PITPNM2: variants seen among roughly 807,000 people sequenced by gnomAD.
PITPNM2 encodes membrane-associated phosphatidylinositol transfer protein 2.
A neutral mutation model predicts 132.2 loss-of-function variants in PITPNM2; 35 were observed. That is an observed-to-expected ratio of 0.26 (90% confidence interval 0.20 to 0.35). The LOEUF (loss-of-function observed/expected upper bound fraction) is 0.35. Ranked by LOEUF, PITPNM2 falls within the 10% of genes least tolerant of loss-of-function variation. The pLI is 1.00. For synonymous variants in PITPNM2, 738 were observed against 799.2 expected (o/e 0.92, Z 1.29); for missense variants, 1,332 against 1,912.0 (o/e 0.70, Z 5.66).
At position 123,001,041 on chromosome 12, in the gene PITPNM2, C is replaced by G. The variant is rs111284865; in HGVS notation, c.1153+13G>C. On this transcript the variant is annotated intron_variant, in intron 9 of 25. Transcript: ENST00000320201. ...CCCTCCCCAGGCTCTGCAGCACCCC[C>G]AGACCTGCTGACCTTGTGTGTCTTC... is the stretch of plus-strand genomic sequence containing the variant. 1,441 of 1,611,864 alleles carry G rather than the reference C, an allele frequency of 8.9e-4. 13 individuals are homozygous for G. In the African/African-American group the frequency reaches 0.016, roughly 18 times the overall value.
chr12:123,026,171 T>C (rs186867152), intron 3 of PITPNM2, among the ~76,000 whole-genome samples: 2 of 152,362 alleles, frequency 1.3e-5, no homozygotes, highest in East Asian at 3.9e-4. Context: ...GGTGTCAATT[T>C]CCAAACTCTA....
At chr12:123,069,087 T>C in intron 2 of PITPNM2, among the ~76,000 whole-genome samples, 1 of 151,864 alleles carries the variant, frequency 6.6e-6, no homozygotes, top group East Asian at 1.9e-4. Context: ...ACCCCATCTA[T>C]ACAAAAAAAT....
Position 122,993,678 on chromosome 12 carries a change from T to C in PITPNM2, c.2234-1009A>G, listed in dbSNP as rs1163713601. Among the ~76,000 whole-genome samples the C allele has an allele frequency of 6.6e-6, 1 of 152,180 alleles. No homozygotes were observed. The highest frequency in any genetic ancestry group is 6.5e-5 in the Admixed American group (1 of 15,284). ...GGACCACAACGGTACTGTCCCTAAG[T>C]CTCCATGCACCTGTGTGGGACTCTG... On this transcript the variant is annotated intron_variant, in intron 15 of 25. Coordinates refer to ENST00000320201, the MANE Select transcript of PITPNM2 (RefSeq NM_020845.3). The surrounding 1 kb of genome is among the most constrained non-coding windows in gnomAD (Gnocchi z 5.2).
chr12:123,033,970 A>T (rs2040183673), intron 3 of PITPNM2, among the ~76,000 whole-genome samples: 1 of 152,198 alleles, frequency 6.6e-6, no homozygotes, highest in African/African-American at 2.4e-5. Flanking sequence ...CATTTACACA[A>T]ATAAAAAACA....
In PITPNM2 at chr12:123,111,482, T is replaced by C. The variant is rs2042832256; in HGVS notation, c.-199-994A>G. 6.6e-6 allele frequency among the ~76,000 whole-genome samples: 1 copy of C among 152,180 alleles called. No homozygotes were observed. Among genetic ancestry groups the C allele is most frequent in the Admixed American group, 6.5e-5 (1 of 15,286 alleles). On this transcript the variant is annotated intron_variant, in intron 1 of 25. Transcript: ENST00000320201. The surrounding 1 kb of genome is among the most constrained non-coding windows in gnomAD (Gnocchi z 4.1). Reference sequence around the variant, plus strand: ...ACAGCCCTAACAAAGGGAAATGGAATGGTGGCTGGGGATGGCAAAGTTATC... The same window carrying C: ...ACAGCCCTAACAAAGGGAAATGGAACGGTGGCTGGGGATGGCAAAGTTATC...
At chr12:123,123,686 A>G (rs1447350107) in intron 1 of PITPNM2, among the ~76,000 whole-genome samples, 1 of 152,140 alleles carries the variant, frequency 6.6e-6, no homozygotes, top group Non-Finnish European at 1.5e-5. Context: ...TATAATCCCC[A>G]CACTTTGGGA....
rs2043730895 is a variant in PITPNM2 at position 123,150,971 on chromosome 12, G to T, written c.-418C>A. Reference sequence around the variant, plus strand: ...GGCGGCGGCGGCGCACGTGCTGGCGGGCGGCTCTCGCTGAGGCGGCCGCGA... The same window carrying T: ...GGCGGCGGCGGCGCACGTGCTGGCGTGCGGCTCTCGCTGAGGCGGCCGCGA... On this transcript the variant is annotated 5_prime_UTR_variant, in exon 1 of 26. Transcript: ENST00000320201. This position sits in a 1 kb window ranked among gnomAD's most constrained non-coding sequence, Gnocchi z 6.0. Among the ~76,000 whole-genome samples, 1 of 144,794 alleles carries T rather than the reference G, an allele frequency of 6.9e-6. No individual in the cohort carries two copies. Among genetic ancestry groups the T allele is most frequent in the South Asian group, 2.1e-4 (1 of 4,756 alleles). The allele number at this position is 144,794 out of a possible 152,430, so 95.0% of individuals were successfully genotyped here.
chr12:123,032,815 T>A (rs2040139680), intron 3 of PITPNM2, among the ~76,000 whole-genome samples: 2 of 152,192 alleles, frequency 1.3e-5, no homozygotes, highest in East Asian at 3.9e-4. Flanking sequence ...GAAATAATTA[T>A]CGGGTAAGTG....
At chr12:123,140,609 A>T (rs2043485295) in intron 1 of PITPNM2, among the ~76,000 whole-genome samples, 1 of 152,058 alleles carries the variant, frequency 6.6e-6, no homozygotes, top group Non-Finnish European at 1.5e-5. Flanking sequence ...ATAAACAGGG[A>T]TCTGCTTGAC....
rs1422006538 is a variant in PITPNM2, at chr12:122,985,958, C to G, written c.*69G>C. The G allele has an allele frequency of 7.6e-6, 10 of 1,320,586 alleles. No homozygotes were observed. The highest frequency in any genetic ancestry group is 9.7e-6 in the Non-Finnish European group (10 of 1,030,402). 81.8% of individuals were successfully genotyped at this position (1,320,586 alleles called of 1,614,324 possible). A position where few individuals can be genotyped will look rare whatever the true frequency, so the allele number is the denominator to read the frequency against. On this transcript the variant is annotated 3_prime_UTR_variant, in exon 26 of 26. Coordinates refer to ENST00000320201, the MANE Select transcript of PITPNM2 (RefSeq NM_020845.3). ...CCCACGTCAGTGCGTGTGCCCAGGCCAGGCCTCCTGGCGGGGCTGGCCACC... is the reference window on the plus strand; with the variant it reads ...CCCACGTCAGTGCGTGTGCCCAGGCGAGGCCTCCTGGCGGGGCTGGCCACC...
intron 8 of PITPNM2, among the ~76,000 whole-genome samples, chr12:123,003,391 T>C (rs2136182497): frequency 6.6e-6 from 1 of 152,296 alleles, no homozygotes; most frequent in Middle Eastern, 3.4e-3. Flanking sequence ...ATACGTATTG[T>C]CCTCTCATCA....
rs372905789 is a variant in PITPNM2 at position 123,042,053 on chromosome 12, G to A, written c.-95-7368C>T. ...AAGAGACCAGCCGTGGGCAAGGCGC[G>A]AGGTGCAGGATGCATCCAGACCAGG... On this transcript the variant is annotated intron_variant, in intron 2 of 25. Coordinates refer to ENST00000320201, the MANE Select transcript of PITPNM2 (RefSeq NM_020845.3). Among the ~76,000 whole-genome samples, 10 of 152,182 alleles carry A rather than the reference G, an allele frequency of 6.6e-5. No homozygotes were observed. The South Asian group carries it at 1.7e-3, about 25-fold the overall frequency.
intron 2 of PITPNM2, chr12:123,088,261 T>C (rs930750800): frequency 9.9e-5 from 15 of 152,182 alleles, no homozygotes; most frequent in African/African-American, 3.4e-4. Context: ...GCTTTCTAAA[T>C]TTATTTAAGT....
chr12:123,121,706 T>C (rs2043035496), intron 1 of PITPNM2, among the ~76,000 whole-genome samples: 1 of 151,200 alleles, frequency 6.6e-6, no homozygotes, highest in African/African-American at 2.4e-5. Flanking sequence ...CCACTACATC[T>C]GACTTTAACA....
chr12:123,018,106 G>T (rs2039514988), intron 3 of PITPNM2, among the ~76,000 whole-genome samples: 1 of 123,506 alleles, frequency 8.1e-6, no homozygotes, highest in African/African-American at 3.1e-5. Context: ...CTCTTGCTTT[G>T]TCACCCAGGC....
intron 8 of PITPNM2, among the ~76,000 whole-genome samples, chr12:123,002,452 G>A (rs919965492): frequency 1.7e-4 from 26 of 151,892 alleles, no homozygotes; most frequent in Admixed American, 1.6e-3. Flanking sequence ...TTGCTTTGAC[G>A]CCCAGGCTGG....
At position 123,010,090 on chromosome 12, in the gene PITPNM2, C is replaced by T. The variant is rs1339170292; in HGVS notation, c.416-13G>A. The T allele has an allele frequency of 6.9e-6, 11 of 1,603,182 alleles. No homozygotes were observed. The highest frequency in any genetic ancestry group is 9.4e-6 in the Non-Finnish European group (11 of 1,170,512). On this transcript the variant is annotated splice_polypyrimidine_tract_variant and intron_variant, in intron 5 of 25. Transcript: ENST00000320201. ...ATGTCGATGAAGTCTGTGGGTAAAC[C>T]CTTAGAGTGGCCACTTCTGCCCTGA...
In PITPNM2 at chr12:123,048,059, A is replaced by G. The variant is rs2040719445; in HGVS notation, c.-95-13374T>C. ...GGTTGCAGTGAGCCGAGATTGCACAACTGTACTCCAGCCTGGGCAACAGAG... is the reference window on the plus strand; with the variant it reads ...GGTTGCAGTGAGCCGAGATTGCACAGCTGTACTCCAGCCTGGGCAACAGAG... On this transcript the variant is annotated intron_variant, in intron 2 of 25. Transcript: ENST00000320201. 4.6e-5 allele frequency among the ~76,000 whole-genome samples: 7 copies of G among 151,308 alleles called. No homozygotes were observed. In the South Asian group the frequency reaches 1.5e-3, roughly 32 times the overall value.
intron 5 of PITPNM2, 40 bp downstream of exon 5, chr12:123,012,573 C>T (rs1192209389): frequency 1.2e-6 from 2 of 1,609,608 alleles, no homozygotes; most frequent in Admixed American, 3.4e-5. Flanking sequence ...GGTAGGAAAC[C>T]CAGAGTACAG....
Sources: allele counts gnomAD v4.1 joint callset (sites outside exome capture counted in the v4.1 genomes callset), GRCh38; gene constraint gnomAD v4.1.1; non-coding constraint Gnocchi (gnomAD v3.1); transcripts MANE v1.5; gene names NCBI Gene and HGNC (gene_info 2026-07-23, HGNC 2026-07-21).